BICD2: variants seen among roughly 807,000 people sequenced by gnomAD.
The protein encoded by BICD2 is BICD cargo adaptor 2, also known as protein bicaudal D homolog 2.
In BICD2, 25 loss-of-function variants were observed where a neutral mutation model predicts 72.9. The ratio of observed to expected loss-of-function variants is 0.34; its 90% CI spans 0.25 to 0.48. BICD2 has a LOEUF of 0.48. Among genes scored for constraint, BICD2 ranks in the 20% least tolerant of loss-of-function variants. The pLI is 0.99. For missense variants in BICD2, 894 were observed against 1,175.2 expected (o/e 0.76, Z 3.50); for synonymous variants, 501 against 516.1 (o/e 0.97, Z 0.40).
chr9:92,737,439 G>A (rs1475360488), intron 1 of BICD2, among the ~76,000 whole-genome samples: 3 of 152,280 alleles, frequency 2.0e-5, no homozygotes, highest in African/African-American at 7.2e-5. Flanking sequence ...GGATGTGGTT[G>A]AGGCTATTGT....
At position 92,713,382 on chromosome 9, in the gene BICD2, G is replaced by C; in HGVS notation, c.*1772C>G. 1 of 1,504,184 alleles carries C rather than the reference G, an allele frequency of 6.6e-7. No homozygotes were observed. The highest frequency in any genetic ancestry group is 9.1e-7 in the Non-Finnish European group (1 of 1,101,918). The allele number at this position is 1,504,184 out of a possible 1,614,324, so 93.2% of individuals were successfully genotyped here. On this transcript the variant is annotated 3_prime_UTR_variant, in exon 7 of 7. Coordinates refer to ENST00000356884, the MANE Select transcript of BICD2 (RefSeq NM_001003800.2). The stretch of plus-strand genomic sequence containing the variant: ...TTTAGGTTGCCCTTCCTTCCTCCTT[G>C]TGGGCCACGAGAGGGAAGGGGAAGG...
chr9:92,716,490 G>A (rs1339189973), intron 6 of BICD2, among the ~76,000 whole-genome samples: 2 of 151,920 alleles, frequency 1.3e-5, no homozygotes, highest in Admixed American at 6.6e-5. Flanking sequence ...GAGAAACTGG[G>A]AGTGCACGGC....
rs1202833492 is a variant in BICD2, at chr9:92,713,862, G to A, written c.*1292C>T. On this transcript the variant is annotated 3_prime_UTR_variant, in exon 7 of 7. Transcript: ENST00000356884. The stretch of plus-strand genomic sequence containing the variant: ...GCAGGGCAGAGAGCTGTGGGAGGGG[G>A]CAACACGGTCTCTCACCAGGTAACT... The A allele has an allele frequency of 2.9e-6, 3 of 1,029,106 alleles. No homozygotes were observed. In the East Asian group the frequency reaches 2.6e-4, roughly 91 times the overall value. 63.7% of individuals were successfully genotyped at this position (1,029,106 alleles called of 1,614,324 possible).
At chr9:92,726,241 C>A (rs1427744497) in intron 2 of BICD2, among the ~76,000 whole-genome samples, 2 of 152,208 alleles carry the variant, frequency 1.3e-5, no homozygotes, top group Non-Finnish European at 2.9e-5. Flanking sequence ...CTGAGGCAAT[C>A]AGAACTGTCC....
In BICD2 at chr9:92,720,409, G is replaced by A; in HGVS notation, c.953C>T (p.Ser318Phe). The A allele has an allele frequency of 1.2e-6, 2 of 1,614,206 alleles. No individual in the cohort carries two copies. The highest frequency in any genetic ancestry group is 1.7e-6 in the Non-Finnish European group (2 of 1,180,046). ...LAKLPLDNKT[S>F]TPKKEGLAPP... ...TGCGAGGCCCTCCTTCTTGGGCGTGGAGGTCTTGTTGTCCAGTGGCAGCTT... is the reference window on the plus strand; with the variant it reads ...TGCGAGGCCCTCCTTCTTGGGCGTGAAGGTCTTGTTGTCCAGTGGCAGCTT... The change falls in exon 4 of 7, where the codon TCC (serine) becomes TTC (phenylalanine). Residue 318 changes from serine (S) to phenylalanine (F), a missense_variant. This residue lies in a region of BICD2 where 371 missense variants were observed against 439.1 expected (regional missense o/e 0.84). Coordinates refer to ENST00000356884, the MANE Select transcript of BICD2 (RefSeq NM_001003800.2). The surrounding 1 kb of genome is among the most constrained non-coding windows in gnomAD (Gnocchi z 5.4).
chr9:92,743,517 G>C (rs1853941605), intron 1 of BICD2, among the ~76,000 whole-genome samples: 1 of 152,108 alleles, frequency 6.6e-6, no homozygotes, highest in South Asian at 2.1e-4. Flanking sequence ...ATTTAAAAAA[G>C]TATTAGTAAC....
chr9:92,719,702 G>A (rs1853419298), intron 4 of BICD2, 120 bp from the exon 5 acceptor site: 13 of 1,071,026 alleles, frequency 1.2e-5, no homozygotes, highest in Non-Finnish European at 1.6e-5. Flanking sequence ...TCAGCCCCAG[G>A]TTCCTTGGCC....
chr9:92,727,394 T>C (rs954164184), intron 2 of BICD2, among the ~76,000 whole-genome samples: 1 of 152,122 alleles, frequency 6.6e-6, no homozygotes, highest in African/African-American at 2.4e-5. Flanking sequence ...CTGTGGGGCA[T>C]CCTCTACAAC....
intron 1 of BICD2, among the ~76,000 whole-genome samples, chr9:92,736,929 T>A (rs1394973729): frequency 6.6e-6 from 1 of 152,108 alleles, no homozygotes; most frequent in African/African-American, 2.4e-5. Context: ...GCTGGCAGAA[T>A]AGGCCTCAGG....
Position 92,719,367 on chromosome 9 carries a change from C to G in BICD2, c.1278G>C (p.Glu426Asp). Reference protein sequence around the residue: ...RDSHEDGDYYEVDINGPEILA... With the variant: ...RDSHEDGDYYDVDINGPEILA... ...AGATCTCAGGCCCGTTGATGTCCAC[C>G]TCGTAGTAGTCCCCATCCTCATGGC... Residue 426 changes from glutamate to aspartate, a missense_variant, in exon 5 of 7, where the codon GAG (glutamate) becomes GAC (aspartate). Coordinates refer to ENST00000356884, the MANE Select transcript of BICD2 (RefSeq NM_001003800.2). The G allele has an allele frequency of 6.2e-7, 1 of 1,614,220 alleles. No individual in the cohort carries two copies. Among genetic ancestry groups the G allele is most frequent in the Non-Finnish European group, 8.5e-7 (1 of 1,180,032 alleles).
intron 1 of BICD2, among the ~76,000 whole-genome samples, chr9:92,738,025 G>T (rs956858903): frequency 6.6e-6 from 1 of 152,196 alleles, no homozygotes; most frequent in African/African-American, 2.4e-5. Context: ...TGTGCAAGAG[G>T]CACCCACTGC....
chr9:92,748,400 T>G (rs1284215518), intron 1 of BICD2, among the ~76,000 whole-genome samples: 1 of 152,148 alleles, frequency 6.6e-6, no homozygotes, highest in Non-Finnish European at 1.5e-5. Context: ...ATTCTGGAAG[T>G]GTAAACACTC....
In BICD2 at chr9:92,714,321, C is replaced by A; in HGVS notation, c.*833G>T. On this transcript the variant is annotated 3_prime_UTR_variant, in exon 7 of 7. Transcript: ENST00000356884. ...AGGCCGGATAATTGGCTGCTGGGGT[C>A]ACCCCAAGTACAAAAGGACGGGCTC... The A allele has an allele frequency of 3.0e-6, 3 of 985,470 alleles. No individual in the cohort carries two copies. The highest frequency in any genetic ancestry group is 3.6e-6 in the Non-Finnish European group (3 of 829,954). 61.0% of individuals were successfully genotyped at this position (985,470 alleles called of 1,614,324 possible).
rs1479201687 is a variant in BICD2, at chr9:92,764,584, T to C, written c.161A>G (p.Lys54Arg). 6.4e-7 allele frequency: 1 copy of C among 1,574,332 alleles called. No individual in the cohort carries two copies. Among genetic ancestry groups the C allele is most frequent in the South Asian group, 1.2e-5 (1 of 85,548 alleles). Residue 54 changes from lysine to arginine, a missense_variant, in exon 1 of 7, where the codon AAG (lysine) becomes AGG (arginine). By Grantham distance (26) the Lys-to-Arg change is conservative. Around this residue, in one of 5 missense-constraint regions of BICD2, gnomAD observed 192 missense variants for 243.6 expected, o/e 0.79. Transcript: ENST00000356884. The surrounding 1 kb of genome is among the most constrained non-coding windows in gnomAD (Gnocchi z 5.5). ...AEYGLAVLEE[K>R]HQLKLQFEEL... ...CTCGAACTGCAGCTTGAGCTGGTGC[T>C]TCTCCTCGAGCACCGCCAGCCCGTA...
intron 6 of BICD2, 38 bp from the exon 7 acceptor site, chr9:92,715,501 GC>G: frequency 6.5e-7 from 1 of 1,549,488 alleles, no homozygotes; most frequent in Non-Finnish European, 8.8e-7. Flanking sequence ...GGCGGGCAGA[GC>G]CGAGCAGAGG....
intron 1 of BICD2, among the ~76,000 whole-genome samples, chr9:92,754,144 CAAAA>C (rs59231772): frequency 3.6e-5 from 5 of 140,356 alleles, no homozygotes; most frequent in Non-Finnish European, 3.1e-5. Flanking sequence ...GACTACATCT[CAAAA>C]AAAAAAAAAA....
At position 92,764,801 on chromosome 9, in the gene BICD2, AGCCGCCGCCGCTGCCGCC is replaced by A. The variant is rs1194944748; in HGVS notation, c.-75_-58del. On this transcript the variant is annotated 5_prime_UTR_variant, in exon 1 of 7. Coordinates refer to ENST00000356884, the MANE Select transcript of BICD2 (RefSeq NM_001003800.2). The surrounding 1 kb of genome is among the most constrained non-coding windows in gnomAD (Gnocchi z 5.5). The stretch of plus-strand genomic sequence containing the variant: ...GGCTCTCGCAGGCCGGGCCCTCCTC[AGCCGCCGCCGCTGCCGCC>A]GCCGCCGCCGCCCTGCCCCGACGGC... 4.9e-5 allele frequency: 61 copies of A among 1,235,344 alleles called. No homozygotes were observed. In the South Asian group the frequency reaches 6.8e-4, roughly 14 times the overall value. 76.5% of individuals were successfully genotyped at this position (1,235,344 alleles called of 1,614,324 possible).
rs1457844438 is a variant in BICD2 at position 92,719,159 on chromosome 9, G to A, written c.1486C>T (p.Arg496Cys). ...TTCTCCAGCCGGGCCAGCAGCTCGC[G>A]GTCCTGGCGGCTGGCCTTCTCTAGC... ...SLLEKASRQD[R>C]ELLARLEKEL... Residue 496 changes from arginine to cysteine, a missense_variant, in exon 5 of 7, where the codon CGC (arginine) becomes TGC (cysteine). Transcript: ENST00000356884. 4 of 1,611,372 alleles carry A rather than the reference G, an allele frequency of 2.5e-6. No individual in the cohort carries two copies. Among genetic ancestry groups the A allele is most frequent in the South Asian group, 1.1e-5 (1 of 91,084 alleles).
At chr9:92,763,044 G>A (rs72758527) in intron 1 of BICD2, among the ~76,000 whole-genome samples, 7,645 of 152,224 alleles carry the variant, frequency 0.05, 274 homozygotes, top group South Asian at 0.089. Flanking sequence ...TAGCTCCAGC[G>A]CCACTGGAGC....
Sources: allele counts gnomAD v4.1 joint callset (sites outside exome capture counted in the v4.1 genomes callset), GRCh38; gene constraint gnomAD v4.1.1; regional missense constraint gnomAD v4.1.1; non-coding constraint Gnocchi (gnomAD v3.1); transcripts MANE v1.5; gene names NCBI Gene and HGNC (gene_info 2026-07-23, HGNC 2026-07-21).